Variants in ABTB3 observed in about 807,000 individuals in gnomAD.
ABTB3 encodes ankyrin repeat- and BTB/POZ domain-containing protein 3.
the ABTB3 span, among the ~76,000 whole-genome samples, chr12:107,428,327 C>T: frequency 1.5e-4 from 23 of 152,264 alleles, no homozygotes; most frequent in African/African-American, 4.8e-4. Context: ...TGCCAGTTCC[C>T]CAGCATGTCC....
chr12:107,528,897 GATGGTGATAATGATGATT>G, the ABTB3 span, among the ~76,000 whole-genome samples: 13 of 152,070 alleles, frequency 8.5e-5, no homozygotes, highest in Admixed American at 7.2e-4. Context: ...TGATGATGGT[GATGGTGATAATGATGATT>G]ATGGTGATAG....
At chr12:107,470,006 T>TCTCTC in the ABTB3 span, among the ~76,000 whole-genome samples, 1 of 47,268 alleles carries the variant, frequency 2.1e-5, no homozygotes, top group African/African-American at 1.3e-4. Flanking sequence ...CTTTCTTTCT[T>TCTCTC]TCTTTCTCTC....
At chr12:107,380,750 C>G in the ABTB3 span, among the ~76,000 whole-genome samples, 70 of 152,184 alleles carry the variant, frequency 4.6e-4, no homozygotes, top group South Asian at 8.3e-4. Context: ...GTCTCTAAAA[C>G]AGGGTACATG....
chr12:107,551,037 G>C, the ABTB3 span, among the ~76,000 whole-genome samples: 1 of 152,144 alleles, frequency 6.6e-6, no homozygotes, highest in African/African-American at 2.4e-5. Flanking sequence ...AGGACTCCTT[G>C]GTCTAACACC....
chr12:107,383,525 A>T, the ABTB3 span, among the ~76,000 whole-genome samples: 1 of 152,188 alleles, frequency 6.6e-6, no homozygotes, highest in South Asian at 2.1e-4. Flanking sequence ...CAGAGTTCTA[A>T]GTGAGTTAAC....
At chr12:107,464,651 C>A in the ABTB3 span, among the ~76,000 whole-genome samples, 1 of 152,134 alleles carries the variant, frequency 6.6e-6, no homozygotes, top group Admixed American at 6.5e-5. Flanking sequence ...CAGTGAGGGA[C>A]TGAGCCATCT....
chr12:107,513,609 C>T, the ABTB3 span, among the ~76,000 whole-genome samples: 25,957 of 152,180 alleles, frequency 0.17, 2,732 homozygotes, highest in East Asian at 0.29. Flanking sequence ...CTTTCTAAAT[C>T]ACCCAGTCTC....
chr12:107,372,564 A>C, the ABTB3 span, among the ~76,000 whole-genome samples: 2 of 152,156 alleles, frequency 1.3e-5, no homozygotes, highest in Non-Finnish European at 2.9e-5. Context: ...CTAAATCAGC[A>C]TAATAAACCC....
the ABTB3 span, among the ~76,000 whole-genome samples, chr12:107,372,313 A>T: frequency 1.3e-5 from 2 of 152,200 alleles, no homozygotes; most frequent in East Asian, 3.9e-4. Flanking sequence ...AGCAACAATT[A>T]CAGAATACAA....
At chr12:107,378,304 C>T in the ABTB3 span, among the ~76,000 whole-genome samples, 1 of 150,190 alleles carries the variant, frequency 6.7e-6, no homozygotes, top group African/African-American at 2.5e-5. Flanking sequence ...TGCTCATCCC[C>T]TTACTTTGCA....
chr12:107,527,584 T>TC, the ABTB3 span, among the ~76,000 whole-genome samples: 1 of 148,950 alleles, frequency 6.7e-6, no homozygotes, highest in Non-Finnish European at 1.5e-5. Flanking sequence ...GAGTTTTTGT[T>TC]TTTTTTTTTT....
the ABTB3 span, chr12:107,319,973 A>G: frequency 6.3e-7 from 1 of 1,583,478 alleles, no homozygotes; most frequent in Non-Finnish European, 8.6e-7. Flanking sequence ...CGAGGCGCCC[A>G]AGTTCACCGT....
chr12:107,413,798 C>T, the ABTB3 span, among the ~76,000 whole-genome samples: 1 of 152,154 alleles, frequency 6.6e-6, no homozygotes, highest in Non-Finnish European at 1.5e-5. Context: ...AGGGGCAGGA[C>T]TCAGGAATAA....
chr12:107,598,712 T>C, the ABTB3 span, among the ~76,000 whole-genome samples: 3 of 152,190 alleles, frequency 2.0e-5, no homozygotes, highest in Non-Finnish European at 4.4e-5. Context: ...AGAAGACATG[T>C]AATAAACTCA....
chr12:107,443,088 A>C, the ABTB3 span, among the ~76,000 whole-genome samples: 7 of 152,110 alleles, frequency 4.6e-5, no homozygotes, highest in East Asian at 1.4e-3. Flanking sequence ...TACCTCCCAA[A>C]GGGCCCCATC....
At chr12:107,531,981 G>C in the ABTB3 span, among the ~76,000 whole-genome samples, 4 of 152,176 alleles carry the variant, frequency 2.6e-5, no homozygotes, top group Admixed American at 1.3e-4. Context: ...AGGCGGTCTT[G>C]CACATCAGGG....
At chr12:107,488,060 G>C in the ABTB3 span, among the ~76,000 whole-genome samples, 34 of 152,140 alleles carry the variant, frequency 2.2e-4, no homozygotes, top group African/African-American at 7.7e-4. Flanking sequence ...GGAAGTTGTG[G>C]TTCAGGTACA....
the ABTB3 span, among the ~76,000 whole-genome samples, chr12:107,467,197 T>G: frequency 6.6e-6 from 1 of 152,200 alleles, no homozygotes; most frequent in Non-Finnish European, 1.5e-5. Flanking sequence ...GTCTCAAGTT[T>G]GCTGTCTGAA....
chr12:107,400,746 C>G, the ABTB3 span, among the ~76,000 whole-genome samples: 5 of 152,020 alleles, frequency 3.3e-5, no homozygotes, highest in African/African-American at 1.2e-4. Flanking sequence ...TACACCCCCC[C>G]GCAAGAGTGC....
Sources: gnomAD v4.1 joint callset for allele counts (sites outside exome capture counted in the v4.1 genomes callset) on GRCh38, gnomAD v4.1.1 for gene constraint, MANE v1.5 for transcripts, NCBI Gene and HGNC (gene_info 2026-07-23, HGNC 2026-07-21) for gene names.